The following CROCC2 variants were observed in gnomAD, a reference collection of about 807,000 sequenced individuals.
CROCC2 encodes the protein ciliary rootlet coiled-coil, rootletin family member 2.
In CROCC2, 163 loss-of-function variants were observed where a neutral mutation model predicts 177.6. The observed-to-expected ratio is 0.92, with a 90% CI of 0.81 to 1.05. The LOEUF (loss-of-function observed/expected upper bound fraction) is 1.05. Ranked by LOEUF, CROCC2 falls within the 50% of genes least tolerant of loss-of-function variation. The pLI is 0.00. For synonymous variants in CROCC2, 904 were observed against 787.3 expected, an observed-to-expected ratio of 1.15 and a Z score of -2.48; for missense variants, 1,929 against 1,797.8, an observed-to-expected ratio of 1.07 and a Z score of -1.32.
At position 240,959,425 on chromosome 2, in the gene CROCC2, G is replaced by A. The variant is rs184411436; in HGVS notation, c.3068G>A (p.Arg1023Gln). 282 of 1,550,384 alleles carry A rather than the reference G, an allele frequency of 1.8e-4. No homozygotes were observed. The African/African-American group carries it at 2.6e-3, about 14-fold the overall frequency. ...RESLQDLAAE[R>Q]GDVEREAERL... ...AGCCTCCAGGACCTAGCGGCTGAGC[G>A]GGGCGATGTGGAGAGAGAGGTGAGA... The change falls in exon 20 of 32, where the codon CGG becomes CAG. Residue 1023 changes from arginine to glutamine, a missense_variant. Physicochemically the swap from Arg to Gln is conservative, Grantham distance 43 (BLOSUM62 1). Transcript: ENST00000690015.
intron 27 of CROCC2, among the ~76,000 whole-genome samples, chr2:240,979,994 C>A (rs2059787293): frequency 3.1e-5 from 1 of 32,190 alleles, no homozygotes; most frequent in Non-Finnish European, 5.1e-5. Context: ...GTAGGAGCCT[C>A]AGGATCCCAG....
rs1314156878 is a variant in CROCC2, at chr2:240,934,426, G to A, written c.1742G>A (p.Arg581Gln). ...REALSTAQLQ[R>Q]DVVESEREGL... ...GCACTGAGCACAGCACAGCTGCAGC[G>A]GGATGTCGTGGAGAGTGAGAGGGAG... The change falls in exon 12 of 32, where the codon CGG becomes CAG. Residue 581 changes from arginine to glutamine, a missense_variant. Arg to Gln is a conservative substitution (Grantham distance 43). Transcript: ENST00000690015. 1.8e-5 allele frequency: 28 copies of A among 1,548,478 alleles called. No homozygotes were observed. Among genetic ancestry groups the A allele is most frequent in the East Asian group, 4.9e-5 (2 of 40,928 alleles).
intron 28 of CROCC2, chr2:240,983,529 G>A: frequency 2.4e-6 from 3 of 1,261,532 alleles, no homozygotes; most frequent in Non-Finnish European, 3.1e-6. Context: ...CGCACCGAGC[G>A]GGCGCGTCTG....
intron 12 of CROCC2, 82 bp downstream of exon 12, chr2:240,934,557 CCT>C (rs2059455278): frequency 1.5e-6 from 2 of 1,363,242 alleles, no homozygotes; most frequent in Non-Finnish European, 2.0e-6. Context: ...CCTCCCACTC[CCT>C]CTCTCCTGCC....
chr2:240,913,093 G>T (rs1004934654), intron 1 of CROCC2, among the ~76,000 whole-genome samples: 5 of 152,126 alleles, frequency 3.3e-5, no homozygotes, highest in Non-Finnish European at 7.3e-5. Flanking sequence ...CCATCCTCCC[G>T]CTCAGGAACC....
chr2:240,973,513 C>G lies in CROCC2; in HGVS notation c.4401+5251C>G, dbSNP rs866491178. On this transcript the variant is annotated intron_variant, in intron 27 of 31. Transcript: ENST00000690015. This position sits in a 1 kb window ranked among gnomAD's most constrained non-coding sequence, Gnocchi z 4.7. ...CGGCGTTCTTGGACTCTTGCCCAGG[C>G]CTCCTTCCCCCACTGTGCCCACGTG... Among the ~76,000 whole-genome samples the G allele has an allele frequency of 2.6e-5, 4 of 152,198 alleles. No homozygotes were observed. Among genetic ancestry groups the G allele is most frequent in the Non-Finnish European group, 4.4e-5 (3 of 68,032 alleles).
At chr2:240,956,718 G>T (rs6757227) in intron 19 of CROCC2, among the ~76,000 whole-genome samples, 27,287 of 150,522 alleles carry the variant, frequency 0.18, 2,665 homozygotes, top group African/African-American at 0.23. Context: ...TGGGGAGCAG[G>T]GGAGGAGGAC....
chr2:240,959,459 TG>T lies in CROCC2; in HGVS notation c.3087+21del, dbSNP rs1187532653. Reference sequence around the variant, plus strand: ...TGGAGAGAGAGGTGAGAGGCAGGGCTGGGGGGCTCCTGGGGATGCCAGAGGA... The same window carrying T: ...TGGAGAGAGAGGTGAGAGGCAGGGCTGGGGGCTCCTGGGGATGCCAGAGGA... On this transcript the variant is annotated intron_variant, in intron 20 of 31. Transcript: ENST00000690015. 3.2e-6 allele frequency: 5 copies of T among 1,548,326 alleles called. No individual in the cohort carries two copies. In the East Asian group the frequency reaches 9.8e-5, roughly 30 times the overall value.
At chr2:240,990,714 C>T (rs1319024939) in intron 30 of CROCC2, among the ~76,000 whole-genome samples, 3 of 152,158 alleles carry the variant, frequency 2.0e-5, no homozygotes, top group East Asian at 1.9e-4. Flanking sequence ...TCCAGAGTAG[C>T]GGGGATTGCA....
rs565789570 is a variant in CROCC2, at chr2:240,930,907, A to C, written c.750-24A>C. ...TCTGCAGATGGGTCCTGAGTCCGCC[A>C]CAGATGCTGCCCTTGTCTCCCAGGG... On this transcript the variant is annotated intron_variant, in intron 6 of 31. Transcript: ENST00000690015. The C allele has an allele frequency of 8.0e-4, 557 of 693,076 alleles. 1 individual carries two copies. Among genetic ancestry groups the C allele is most frequent in the Non-Finnish European group, 1.3e-3 (487 of 371,482 alleles). 42.9% of individuals were successfully genotyped at this position (693,076 alleles called of 1,614,324 possible).
At chr2:240,968,083 TG>T in intron 26 of CROCC2, 45 bp from the exon 27 acceptor site, 1 of 1,387,766 alleles carries the variant, frequency 7.2e-7, no homozygotes, top group South Asian at 1.7e-5. Context: ...GCCTGTGACC[TG>T]GGAGGGGCAT....
chr2:240,974,287 G>A (rs575570988), intron 27 of CROCC2, among the ~76,000 whole-genome samples: 7 of 147,474 alleles, frequency 4.7e-5, no homozygotes, highest in African/African-American at 1.7e-4. Context: ...TTTTATTTTT[G>A]TTTAGTTTAT....
chr2:240,957,002 G>T (rs536840514), intron 19 of CROCC2, among the ~76,000 whole-genome samples: 2 of 152,284 alleles, frequency 1.3e-5, no homozygotes, highest in African/African-American at 4.8e-5. Context: ...CCTGAGGAGA[G>T]GCTGTTTGTG....
At position 240,958,445 on chromosome 2, in the gene CROCC2, A is replaced by T; in HGVS notation, c.2944-856A>T. On this transcript the variant is annotated intron_variant, in intron 19 of 31. Coordinates refer to ENST00000690015, the MANE Select transcript of CROCC2 (RefSeq NM_001351305.2). The surrounding 1 kb of genome is among the most constrained non-coding windows in gnomAD (Gnocchi z 6.7). The stretch of plus-strand genomic sequence containing the variant: ...CCCAAGAGCAGGGGGCACAGGCTGC[A>T]GGAACCCCCACCCTAGCAGAATCCA... 3.2e-6 allele frequency: 1 copy of T among 310,124 alleles called. No homozygotes were observed. The highest frequency in any genetic ancestry group is 4.7e-6 in the Non-Finnish European group (1 of 212,396). 19.2% of individuals were successfully genotyped at this position (310,124 alleles called of 1,614,324 possible). A position where few individuals can be genotyped will look rare whatever the true frequency, so the allele number is the denominator to read the frequency against.
intron 29 of CROCC2, 115 bp downstream of exon 29, chr2:240,988,985 C>T: frequency 8.9e-7 from 1 of 1,119,826 alleles, no homozygotes. Context: ...CTCACACGTG[C>T]ACACATGGGG....
chr2:240,973,025 T>C lies in CROCC2; in HGVS notation c.4401+4763T>C, dbSNP rs10200168. On this transcript the variant is annotated intron_variant, in intron 27 of 31. Coordinates refer to ENST00000690015, the MANE Select transcript of CROCC2 (RefSeq NM_001351305.2). This position sits in a 1 kb window ranked among gnomAD's most constrained non-coding sequence, Gnocchi z 4.7. ...TGAGCAGGGGGGTGCTAGGGTCCAG[T>C]AGGGCAGGCCTGGTGCCTCTCCTGG... is the stretch of plus-strand genomic sequence containing the variant. Among the ~76,000 whole-genome samples the C allele has an allele frequency of 0.16, 24,769 of 152,078 alleles. 2,340 individuals carry two copies. The highest frequency in any genetic ancestry group is 0.27 in the African/African-American group (11,019 of 41,474).
chr2:240,911,684 A>C (rs2059289837), intron 1 of CROCC2, among the ~76,000 whole-genome samples: 2 of 142,688 alleles, frequency 1.4e-5, no homozygotes, highest in Admixed American at 7.0e-5. Context: ...CCACCATCCT[A>C]CTCTCTGTCT....
Position 240,933,263 on chromosome 2 carries a change from C to T in CROCC2, c.1384C>T (p.Arg462Ter), listed in dbSNP as rs1054507466. 11 of 1,548,094 alleles carry T rather than the reference C, an allele frequency of 7.1e-6. No individual in the cohort carries two copies. In the East Asian group the frequency reaches 7.3e-5, roughly 10 times the overall value. The change falls in exon 10 of 32, where the codon CGA becomes TGA. Residue 462 changes from arginine to a stop codon, truncating the protein, a stop_gained. Transcript: ENST00000690015. LOFTEE classifies it high-confidence loss of function. The part of the protein sequence containing the change: ...QERAREQARE[R>*]EALRGQLEAQ... ...GCGGGCTCGGGAGCAGGCACGGGAA[C>T]GAGAGGCTCTTCGGGGCCAGCTGGA...
intron 14 of CROCC2, among the ~76,000 whole-genome samples, chr2:240,939,514 G>A (rs1407895322): frequency 6.6e-6 from 1 of 152,086 alleles, no homozygotes; most frequent in Non-Finnish European, 1.5e-5. Context: ...ACACTGGAAA[G>A]TAGTCTCTCT....
Sources: gnomAD v4.1 joint callset for allele counts (sites outside exome capture counted in the v4.1 genomes callset) on GRCh38, gnomAD v4.1.1 for gene constraint, Gnocchi (gnomAD v3.1) non-coding constraint, MANE v1.5 for transcripts, NCBI Gene and HGNC (gene_info 2026-07-23, HGNC 2026-07-21) for gene names.